DLC1: variants seen among roughly 807,000 people sequenced by gnomAD.
DLC1 encodes rho GTPase-activating protein 7.
A neutral mutation model predicts 140.3 loss-of-function variants in DLC1; 54 were observed. That is an observed-to-expected ratio of 0.38 (90% confidence interval 0.31 to 0.48). The LOEUF is 0.48. Ranked by LOEUF, DLC1 falls within the 20% of genes least tolerant of loss-of-function variation. The probability of loss-of-function intolerance (pLI) is 0.96; values close to 1 mark genes in which losing one functional copy is unlikely to be tolerated. For missense variants in DLC1, 2,536 were observed against 1,907.0 expected, an observed-to-expected ratio of 1.33 and a Z score of -6.14; for synonymous variants, 986 against 728.1, an observed-to-expected ratio of 1.35 and a Z score of -5.70.
intron 5 of DLC1, among the ~76,000 whole-genome samples, chr8:13,251,786 G>A (rs1586007159): frequency 6.6e-6 from 1 of 152,194 alleles, no homozygotes; most frequent in Admixed American, 6.5e-5. Context: ...TCCCTAATCT[G>A]TTTGAAAGTA....
At chr8:13,146,801 A>G (rs991998830) in intron 5 of DLC1, among the ~76,000 whole-genome samples, 1 of 152,216 alleles carries the variant, frequency 6.6e-6, no homozygotes, top group Non-Finnish European at 1.5e-5. Context: ...AAAGCAAACC[A>G]GGAAATTTAA....
chr8:13,196,095 T>TACACACACACACAC lies in DLC1; in HGVS notation c.1349-80452_1349-80439dup, dbSNP rs59429334. 6.9e-4 allele frequency among the ~76,000 whole-genome samples: 102 copies of TACACACACACACAC among 147,144 alleles called. 2 individuals carry two copies. The highest frequency in any genetic ancestry group is 4.5e-3 in the Admixed American group (65 of 14,568). On this transcript the variant is annotated intron_variant, in intron 5 of 17. Coordinates refer to ENST00000276297, the MANE Select transcript of DLC1 (RefSeq NM_182643.3). ...ACCAATGCTCTACATTCTGTATTGA[T>TACACACACACACAC]ACACACACACACACACACACACACA...
chr8:13,355,823 A>G (rs1285472338), intron 4 of DLC1, among the ~76,000 whole-genome samples: 4 of 151,962 alleles, frequency 2.6e-5, no homozygotes, highest in Non-Finnish European at 4.4e-5. Flanking sequence ...GGTGGCTCAC[A>G]CCTGTAATCC....
intron 5 of DLC1, among the ~76,000 whole-genome samples, chr8:13,210,072 G>A (rs923518575): frequency 1.3e-5 from 2 of 152,104 alleles, no homozygotes; most frequent in African/African-American, 4.8e-5. Flanking sequence ...GAGGTAGAGA[G>A]GAAATGTTTT....
intron 1 of DLC1, among the ~76,000 whole-genome samples, chr8:13,540,661 T>C (rs1158402537): frequency 2.0e-5 from 3 of 152,208 alleles, no homozygotes; most frequent in Non-Finnish European, 4.4e-5. Flanking sequence ...AAAATGTTTA[T>C]TGGATCTGAA....
intron 4 of DLC1, among the ~76,000 whole-genome samples, chr8:13,345,278 A>G (rs538732578): frequency 1.8e-4 from 28 of 152,310 alleles, no homozygotes; most frequent in African/African-American, 6.7e-4. Context: ...CTAAAATGTC[A>G]GGAGTTATTG....
chr8:13,298,364 G>T (rs144193667), intron 5 of DLC1, among the ~76,000 whole-genome samples: 1 of 152,152 alleles, frequency 6.6e-6, no homozygotes, highest in East Asian at 1.9e-4. Flanking sequence ...ATATTTGGCC[G>T]TTGGGTTGAG....
chr8:13,405,994 T>C (rs1205624416), intron 2 of DLC1, among the ~76,000 whole-genome samples: 1 of 135,346 alleles, frequency 7.4e-6, no homozygotes, highest in South Asian at 2.4e-4. Context: ...CTCTCTCTCT[T>C]TCTTTATTCT....
chr8:13,228,893 C>G (rs1585960241), intron 5 of DLC1, among the ~76,000 whole-genome samples: 1 of 152,224 alleles, frequency 6.6e-6, no homozygotes, highest in East Asian at 1.9e-4. Context: ...ACAGATGCCA[C>G]TTGACACCTA....
At chr8:13,356,284 C>A (rs116525826) in intron 4 of DLC1, among the ~76,000 whole-genome samples, 87 of 152,070 alleles carry the variant, frequency 5.7e-4, no homozygotes, top group African/African-American at 2.0e-3. Context: ...TAGACCTGGT[C>A]ATGAACTCAG....
chr8:13,170,141 G>T (rs374541111), intron 5 of DLC1, among the ~76,000 whole-genome samples: 4 of 152,180 alleles, frequency 2.6e-5, no homozygotes, highest in African/African-American at 7.2e-5. Context: ...TAATTTTTTG[G>T]CTAATTGTTA....
intron 2 of DLC1, among the ~76,000 whole-genome samples, chr8:13,471,487 G>A (rs545642872): frequency 2.1e-5 from 3 of 139,746 alleles, no homozygotes; most frequent in Non-Finnish European, 4.6e-5. Flanking sequence ...AAGGAAGGAA[G>A]GAAGGGAGGC....
intron 1 of DLC1, among the ~76,000 whole-genome samples, chr8:13,588,157 G>C (rs958886923): frequency 2.6e-5 from 4 of 152,014 alleles, no homozygotes; most frequent in African/African-American, 9.7e-5. Flanking sequence ...GATTACTTTT[G>C]AAGGCCCGAA....
chr8:13,095,277 C>T lies in DLC1; in HGVS notation c.3168-32G>A, dbSNP rs141091523. 4.8e-4 allele frequency: 775 copies of T among 1,613,262 alleles called. 4 individuals carry two copies. The African/African-American group carries it at 8.2e-3, about 17-fold the overall frequency. On this transcript the variant is annotated intron_variant, in intron 10 of 17. Coordinates refer to ENST00000276297, the MANE Select transcript of DLC1 (RefSeq NM_182643.3). ...AAGAACACAGAGATGGTGGTGTTGG[C>T]GGAGACATGCTCACTTGTCTGTCTA...
At chr8:13,537,316 C>T (rs549726169) in intron 1 of DLC1, among the ~76,000 whole-genome samples, 2 of 152,114 alleles carry the variant, frequency 1.3e-5, no homozygotes, top group South Asian at 2.1e-4. Flanking sequence ...ACTGTGATCA[C>T]GTGGGACATT....
chr8:13,202,189 C>T (rs975284417), intron 5 of DLC1, among the ~76,000 whole-genome samples: 10 of 152,146 alleles, frequency 6.6e-5, no homozygotes, highest in Admixed American at 2.0e-4. Flanking sequence ...CGTGATCCAC[C>T]GGCCTCGGCC....
intron 2 of DLC1, among the ~76,000 whole-genome samples, chr8:13,425,168 C>T (rs926782788): frequency 7.9e-5 from 12 of 151,942 alleles, no homozygotes; most frequent in African/African-American, 2.7e-4. Context: ...ATGCAAGCTC[C>T]ATAGATGCAC....
At chr8:13,185,485 T>A (rs1408765825) in intron 5 of DLC1, among the ~76,000 whole-genome samples, 1 of 151,894 alleles carries the variant, frequency 6.6e-6, no homozygotes, top group Non-Finnish European at 1.5e-5. Context: ...TTTTTTGTAT[T>A]TTTAGTAGAG....
intron 4 of DLC1, among the ~76,000 whole-genome samples, chr8:13,359,365 A>G (rs10503450): frequency 0.19 from 28,755 of 152,196 alleles, 3,012 homozygotes; most frequent in Non-Finnish European, 0.24. Context: ...TGTTACGCTC[A>G]GGTAATGCTA....
Sources: allele counts gnomAD v4.1 joint callset (sites outside exome capture counted in the v4.1 genomes callset), GRCh38; gene constraint gnomAD v4.1.1; transcripts MANE v1.5; gene names NCBI Gene and HGNC (gene_info 2026-07-23, HGNC 2026-07-21).